NLGN1: variants seen among roughly 807,000 people sequenced by gnomAD.
NLGN1 encodes the protein neuroligin 1, also known as neuroligin-1.
Under a neutral mutation model 65.5 loss-of-function variants are expected in NLGN1, and 12 were observed. The observed-to-expected ratio is 0.18, with a 90% CI of 0.12 to 0.30. The LOEUF (loss-of-function observed/expected upper bound fraction) is 0.30, where lower values mean the gene tolerates loss of function less well. Among genes scored for constraint, NLGN1 ranks in the 10% least tolerant of loss-of-function variants. The pLI, the probability that NLGN1 is intolerant of heterozygous loss-of-function variation, is 1.00. For synonymous variants in NLGN1, 350 were observed against 359.5 expected, an observed-to-expected ratio of 0.97 and a Z score of 0.30; for missense variants, 750 against 1,007.1, an observed-to-expected ratio of 0.74 and a Z score of 3.46.
intron 2 of NLGN1, among the ~76,000 whole-genome samples, chr3:173,517,176 T>C (rs367800284): frequency 2.0e-5 from 3 of 152,196 alleles, no homozygotes; most frequent in African/African-American, 7.2e-5. Flanking sequence ...GCACATTGTT[T>C]TATAATTCCT....
At chr3:174,087,643 T>C (rs899074916) in intron 4 of NLGN1, among the ~76,000 whole-genome samples, 17 of 152,182 alleles carry the variant, frequency 1.1e-4, no homozygotes, top group Admixed American at 9.2e-4. Context: ...CTGTGTATCC[T>C]GGCCTTTAGA....
At chr3:173,881,138 A>T (rs1180946826) in intron 4 of NLGN1, among the ~76,000 whole-genome samples, 1 of 119,652 alleles carries the variant, frequency 8.4e-6, no homozygotes, top group African/African-American at 3.3e-5. Context: ...TGCTCTTGTC[A>T]CCCAGGCTGG....
At chr3:173,616,119 G>GA (rs5854523) in intron 3 of NLGN1, among the ~76,000 whole-genome samples, 151,144 of 152,176 alleles carry the variant, frequency 0.99, 75,059 homozygotes, top group East Asian at 1. Flanking sequence ...TTTTGAAATA[G>GA]AAGTTACCCC....
At chr3:173,459,840 A>C (rs1196790814) in intron 2 of NLGN1, among the ~76,000 whole-genome samples, 1 of 152,084 alleles carries the variant, frequency 6.6e-6, no homozygotes, top group Non-Finnish European at 1.5e-5. Flanking sequence ...TGTGTATCAA[A>C]TACATATTTT....
At chr3:173,611,731 C>A (rs1157257121) in intron 3 of NLGN1, among the ~76,000 whole-genome samples, 1 of 152,062 alleles carries the variant, frequency 6.6e-6, no homozygotes, top group Non-Finnish European at 1.5e-5. Context: ...TGTTTACTGA[C>A]AGACAGAGAC....
chr3:174,018,335 G>T (rs532580155), intron 4 of NLGN1, among the ~76,000 whole-genome samples: 1 of 152,192 alleles, frequency 6.6e-6, no homozygotes, highest in African/African-American at 2.4e-5. Context: ...AGCTTACGAA[G>T]ATGACAGGAT....
At position 173,628,577 on chromosome 3, in the gene NLGN1, A is replaced by G. The variant is rs575465209; in HGVS notation, c.493+23486A>G. Reference sequence around the variant, plus strand: ...GTCTAATAAAACTGGGAGTAATTTTAGAGATACTTTAGGCTACACCATCTT... The same window carrying G: ...GTCTAATAAAACTGGGAGTAATTTTGGAGATACTTTAGGCTACACCATCTT... On this transcript the variant is annotated intron_variant, in intron 3 of 6. Coordinates refer to ENST00000457714, the Ensembl canonical transcript of NLGN1. Among the ~76,000 whole-genome samples, 172 of 152,262 alleles carry G rather than the reference A, an allele frequency of 1.1e-3. 1 individual carries two copies. Among genetic ancestry groups the G allele is most frequent in the African/African-American group, 4.0e-3 (166 of 41,560 alleles).
At chr3:173,804,584 T>C (rs1716192316) in intron 3 of NLGN1, among the ~76,000 whole-genome samples, 1 of 151,102 alleles carries the variant, frequency 6.6e-6, no homozygotes, top group Non-Finnish European at 1.5e-5. Context: ...TTAGTTTTAT[T>C]TATAAAGAGT....
chr3:174,021,217 A>G (rs1727690991), intron 4 of NLGN1, among the ~76,000 whole-genome samples: 1 of 152,088 alleles, frequency 6.6e-6, no homozygotes, highest in African/African-American at 2.4e-5. Context: ...TAAATATATT[A>G]GCTGGCTTCC....
chr3:174,141,309 G>A lies in NLGN1; in HGVS notation c.647-134006G>A, dbSNP rs191842773. On this transcript the variant is annotated intron_variant, in intron 4 of 6. Coordinates refer to ENST00000457714, the Ensembl canonical transcript of NLGN1. ...TTTCCTATCCAGTAATAAAATAAATGAGAGGAGGTTGCTGAAGTGTTTCCT... is the reference window on the plus strand; with the variant it reads ...TTTCCTATCCAGTAATAAAATAAATAAGAGGAGGTTGCTGAAGTGTTTCCT... 1.1e-4 allele frequency among the ~76,000 whole-genome samples: 17 copies of A among 152,238 alleles called. No individual in the cohort carries two copies. The East Asian group carries it at 3.1e-3, about 28-fold the overall frequency.
chr3:173,786,681 A>G (rs1435131888), intron 3 of NLGN1, among the ~76,000 whole-genome samples: 1 of 152,214 alleles, frequency 6.6e-6, no homozygotes, highest in African/African-American at 2.4e-5. Flanking sequence ...AAAACATAGG[A>G]TACTATTTCT....
At chr3:173,423,893 C>G (rs1326480475) in intron 1 of NLGN1, among the ~76,000 whole-genome samples, 2 of 152,230 alleles carry the variant, frequency 1.3e-5, no homozygotes, top group South Asian at 2.1e-4. Context: ...CATTTCCCTT[C>G]CGCACTTCCG....
At chr3:173,548,547 C>T (rs1442919972) in intron 2 of NLGN1, among the ~76,000 whole-genome samples, 3 of 151,088 alleles carry the variant, frequency 2.0e-5, no homozygotes, top group African/African-American at 4.9e-5. Context: ...TGTGATCTGC[C>T]TGTAGAGCTA....
chr3:174,033,741 G>A (rs530426160), intron 4 of NLGN1, among the ~76,000 whole-genome samples: 9 of 152,028 alleles, frequency 5.9e-5, no homozygotes, highest in South Asian at 2.1e-4. Context: ...ATAGGACAAC[G>A]GAAACTTCCA....
At chr3:173,636,474 T>C (rs1756611817) in intron 3 of NLGN1, among the ~76,000 whole-genome samples, 1 of 152,112 alleles carries the variant, frequency 6.6e-6, no homozygotes, top group South Asian at 2.1e-4. Context: ...TCTGTCTCTC[T>C]TTTTTTCCCT....
At chr3:174,124,632 CGT>C (rs1491576421) in intron 4 of NLGN1, among the ~76,000 whole-genome samples, 4 of 118,332 alleles carry the variant, frequency 3.4e-5, no homozygotes, top group Non-Finnish European at 6.7e-5. Flanking sequence ...TACACATATA[CGT>C]ATATATATAA....
chr3:174,075,882 G>T (rs1195339771), intron 4 of NLGN1, among the ~76,000 whole-genome samples: 3 of 152,058 alleles, frequency 2.0e-5, no homozygotes, highest in Admixed American at 6.6e-5. Context: ...ATCAAATCAT[G>T]CATGGAAATA....
At chr3:173,906,480 CT>C (rs113891983) in intron 4 of NLGN1, among the ~76,000 whole-genome samples, 2,304 of 152,272 alleles carry the variant, frequency 0.015, 40 homozygotes, top group Middle Eastern at 0.065. Context: ...GATATCACCC[CT>C]GCCCTGAAAA....
intron 4 of NLGN1, among the ~76,000 whole-genome samples, chr3:173,995,047 G>T (rs763175638): frequency 6.6e-6 from 1 of 152,140 alleles, no homozygotes; most frequent in Non-Finnish European, 1.5e-5. Context: ...TTGTACCAAA[G>T]AATTCATTTT....
Sources: allele counts gnomAD v4.1 joint callset (sites outside exome capture counted in the v4.1 genomes callset), GRCh38; gene constraint gnomAD v4.1.1; transcripts MANE v1.5; gene names NCBI Gene and HGNC (gene_info 2026-07-23, HGNC 2026-07-21).